FAF1: variants seen among roughly 807,000 people sequenced by gnomAD.
FAF1 encodes Fas associated factor 1.
FAF1 carries 25 observed loss-of-function variants against 92.5 expected under a neutral mutation model. The observed-to-expected ratio is 0.27, with a 90% CI of 0.20 to 0.38. The LOEUF (loss-of-function observed/expected upper bound fraction) is 0.38, where lower values mean the gene tolerates loss of function less well. FAF1 is among the 10% of genes least tolerant of loss of function. The pLI, the probability that FAF1 is intolerant of heterozygous loss-of-function variation, is 1.00. For missense variants in FAF1, 636 were observed against 793.3 expected (o/e 0.80, Z 2.38); for synonymous variants, 234 against 273.2 (o/e 0.86, Z 1.42).
rs866359527 is a variant in FAF1 at position 50,826,504 on chromosome 1, C to G, written c.115-24827G>C. On this transcript the variant is annotated intron_variant, in intron 2 of 18. Transcript: ENST00000396153. ...GGCAGAGATTGCAGTGAGCTAAGAT[C>G]GTGCCACTGCACTGGAGCCACCTGG... Among the ~76,000 whole-genome samples, 5 of 150,922 alleles carry G rather than the reference C, an allele frequency of 3.3e-5. No homozygotes were observed. The East Asian group carries it at 5.9e-4, about 18-fold the overall frequency.
intron 2 of FAF1, among the ~76,000 whole-genome samples, chr1:50,825,758 G>GT (rs753480698): frequency 2.0e-5 from 3 of 152,102 alleles, no homozygotes; most frequent in Non-Finnish European, 4.4e-5. Context: ...CAAAATTTCA[G>GT]TATGTATTGA....
chr1:50,734,535 C>G (rs1343185926), intron 6 of FAF1, among the ~76,000 whole-genome samples: 1 of 151,972 alleles, frequency 6.6e-6, no homozygotes, highest in Non-Finnish European at 1.5e-5. Context: ...GAGATTGAGA[C>G]CATCCTGGCT....
At chr1:50,807,018 C>T (rs572615696) in intron 2 of FAF1, among the ~76,000 whole-genome samples, 38 of 152,308 alleles carry the variant, frequency 2.5e-4, no homozygotes, top group African/African-American at 9.1e-4. Context: ...CACACTAATT[C>T]CCCAGTACTG....
At position 50,491,798 on chromosome 1, in the gene FAF1, C is replaced by A; in HGVS notation, c.1498G>T (p.Glu500Ter). The change falls in exon 16 of 19, where the codon GAA becomes TAA. Residue 500 changes from glutamate (E) to a stop codon, truncating the protein, a stop_gained. Coordinates refer to ENST00000396153, the MANE Select transcript of FAF1 (RefSeq NM_007051.3). LOFTEE classifies it high-confidence loss of function. ...TTCACATTTTCTCTGGCTTCACGTT[C>A]ATCCTTAAAGAAAAAGATTCAAATA... ...QQQEDIKDED[E>*]REARENVKRE... is the part of the protein sequence containing the mutation. The A allele has an allele frequency of 6.2e-7, 1 of 1,606,682 alleles. No individual in the cohort carries two copies. Among genetic ancestry groups the A allele is most frequent in the Non-Finnish European group, 8.5e-7 (1 of 1,177,130 alleles).
intron 1 of FAF1, among the ~76,000 whole-genome samples, chr1:50,938,784 C>A (rs1014294248): frequency 6.6e-6 from 1 of 152,136 alleles, no homozygotes; most frequent in East Asian, 1.9e-4. Context: ...TAGTTTCATC[C>A]TTCTGCATAC....
intron 2 of FAF1, among the ~76,000 whole-genome samples, chr1:50,813,287 C>G (rs967465854): frequency 1.3e-5 from 2 of 151,922 alleles, no homozygotes; most frequent in African/African-American, 4.8e-5. Context: ...TAAACTTATA[C>G]ATACTTATTG....
At chr1:50,805,900 A>C (rs1662178667) in intron 2 of FAF1, among the ~76,000 whole-genome samples, 1 of 152,212 alleles carries the variant, frequency 6.6e-6, no homozygotes, top group South Asian at 2.1e-4. Flanking sequence ...TACATTACAT[A>C]TATCAATTCA....
At chr1:50,748,452 G>T (rs1659716763) in intron 4 of FAF1, among the ~76,000 whole-genome samples, 6 of 148,076 alleles carry the variant, frequency 4.1e-5, no homozygotes, top group Admixed American at 1.4e-4. Context: ...AGCCAAGATT[G>T]CACCACTGCA....
At chr1:50,529,422 A>T (rs1648017778) in intron 15 of FAF1, among the ~76,000 whole-genome samples, 1 of 152,254 alleles carries the variant, frequency 6.6e-6, no homozygotes. Context: ...AGTCTAATAA[A>T]TTGTAACAGA....
intron 8 of FAF1, among the ~76,000 whole-genome samples, chr1:50,647,330 T>G (rs1170490483): frequency 6.6e-6 from 1 of 152,214 alleles, no homozygotes; most frequent in Non-Finnish European, 1.5e-5. Flanking sequence ...TGTTTCCAAA[T>G]AAGGCAAATG....
At chr1:50,681,600 C>G (rs558461576) in intron 7 of FAF1, among the ~76,000 whole-genome samples, 1 of 151,728 alleles carries the variant, frequency 6.6e-6, no homozygotes, top group Non-Finnish European at 1.5e-5. Context: ...CTCTGCCCCC[C>G]GAGTTCAAAT....
chr1:50,838,503 G>A (rs1644230559), intron 2 of FAF1, among the ~76,000 whole-genome samples: 1 of 147,202 alleles, frequency 6.8e-6, no homozygotes, highest in South Asian at 2.1e-4. Context: ...GCTATGTTTT[G>A]TTATATATAT....
chr1:50,694,024 CATAT>C (rs200535401), intron 7 of FAF1, among the ~76,000 whole-genome samples: 2 of 148,452 alleles, frequency 1.3e-5, no homozygotes, highest in African/African-American at 2.6e-5. Context: ...ACATATATGA[CATAT>C]ATATGACATA....
chr1:50,856,663 T>C (rs902795898), intron 2 of FAF1, among the ~76,000 whole-genome samples: 5 of 151,808 alleles, frequency 3.3e-5, no homozygotes, highest in African/African-American at 7.2e-5. Context: ...AAAATATGCA[T>C]GTAATTTGCC....
At chr1:50,778,947 C>T (rs910515263) in intron 4 of FAF1, among the ~76,000 whole-genome samples, 1 of 152,154 alleles carries the variant, frequency 6.6e-6, no homozygotes, top group African/African-American at 2.4e-5. Context: ...TTTACCCACA[C>T]TAGAATTTCT....
At chr1:50,887,970 G>C (rs1451624281) in intron 1 of FAF1, among the ~76,000 whole-genome samples, 2 of 152,206 alleles carry the variant, frequency 1.3e-5, no homozygotes, top group Non-Finnish European at 2.9e-5. Flanking sequence ...ACCTTGGGCA[G>C]TATGGCCATT....
intron 4 of FAF1, among the ~76,000 whole-genome samples, chr1:50,770,046 G>A (rs891534328): frequency 6.6e-6 from 1 of 152,026 alleles, no homozygotes; most frequent in African/African-American, 2.4e-5. Flanking sequence ...GTGAGACTCT[G>A]TATTAAAAAA....
chr1:50,605,405 C>G (rs769641659), intron 8 of FAF1, among the ~76,000 whole-genome samples: 1 of 152,168 alleles, frequency 6.6e-6, no homozygotes, highest in Non-Finnish European at 1.5e-5. Flanking sequence ...CTAACACTGT[C>G]TAATGGCATA....
chr1:50,771,260 A>G (rs1340184077), intron 4 of FAF1, among the ~76,000 whole-genome samples: 1 of 152,226 alleles, frequency 6.6e-6, no homozygotes, highest in Non-Finnish European at 1.5e-5. Context: ...ATGAGACCCA[A>G]TTAAACTAAA....
Sources: allele counts gnomAD v4.1 joint callset (sites outside exome capture counted in the v4.1 genomes callset), GRCh38; gene constraint gnomAD v4.1.1; transcripts MANE v1.5; gene names NCBI Gene and HGNC (gene_info 2026-07-23, HGNC 2026-07-21).